The following AOPEP variants were observed in gnomAD, a reference collection of about 807,000 sequenced individuals.
AOPEP encodes the protein aminopeptidase O (putative), also known as aminopeptidase O.
In AOPEP, 77 loss-of-function variants were observed where a neutral mutation model predicts 98.1. That is an observed-to-expected ratio of 0.78 (90% CI 0.65 to 0.95). The LOEUF is 0.95. Ranked by LOEUF, AOPEP falls within the 40% of genes least tolerant of loss-of-function variation. The pLI, the probability that AOPEP is intolerant of heterozygous loss-of-function variation, is 0.00. For missense variants in AOPEP, 1,024 were observed against 1,024.7 expected (o/e 1.00, Z 0.01); for synonymous variants, 346 against 365.3 (o/e 0.95, Z 0.60).
intron 2 of AOPEP, among the ~76,000 whole-genome samples, chr9:94,766,474 T>C (rs1485847977): frequency 6.6e-6 from 1 of 152,180 alleles, no homozygotes; most frequent in Non-Finnish European, 1.5e-5. Context: ...GAGGCGGAGC[T>C]TGCAGTGAGC....
At chr9:95,006,410 C>T (rs1312420127) in intron 13 of AOPEP, among the ~76,000 whole-genome samples, 1 of 152,190 alleles carries the variant, frequency 6.6e-6, no homozygotes, top group Non-Finnish European at 1.5e-5. Context: ...ATGAATCACT[C>T]TTGATTCTGA....
chr9:94,925,756 G>T (rs962215014), intron 6 of AOPEP, among the ~76,000 whole-genome samples: 9 of 152,282 alleles, frequency 5.9e-5, no homozygotes, highest in Admixed American at 5.2e-4. Context: ...AGGCTCTGGG[G>T]TCTGAGTCAG....
chr9:94,865,793 G>T (rs1218910027), intron 5 of AOPEP, among the ~76,000 whole-genome samples: 1 of 152,174 alleles, frequency 6.6e-6, no homozygotes, highest in Non-Finnish European at 1.5e-5. Context: ...ACAGATGTTG[G>T]AACTCTTATG....
In AOPEP at chr9:94,794,809, CAG is replaced by C. The variant is rs1324331832; in HGVS notation, c.1118+1894_1118+1895del. On this transcript the variant is annotated intron_variant, in intron 4 of 16. Coordinates refer to ENST00000375315, the MANE Select transcript of AOPEP (RefSeq NM_001193329.3). ...GCAGTACAAAACAGAGCCTACAAAA[CAG>C]AGGAGGCTTTGTTTTGTAATTTCAG... Among the ~76,000 whole-genome samples, 13 of 134,926 alleles carry C rather than the reference CAG, an allele frequency of 9.6e-5. No individual in the cohort carries two copies. In the East Asian group the frequency reaches 2.5e-3, roughly 26 times the overall value. 88.5% of individuals were successfully genotyped at this position (134,926 alleles called of 152,430 possible).
At chr9:94,854,899 A>C (rs980853238) in intron 5 of AOPEP, among the ~76,000 whole-genome samples, 1 of 152,180 alleles carries the variant, frequency 6.6e-6, no homozygotes, top group Non-Finnish European at 1.5e-5. Flanking sequence ...TAGAAGAAAC[A>C]AAAAGTAAGA....
At chr9:95,126,247 T>G in the AOPEP span, among the ~76,000 whole-genome samples, 1 of 152,200 alleles carries the variant, frequency 6.6e-6, no homozygotes, top group Non-Finnish European at 1.5e-5. Context: ...ACATGAATAT[T>G]TCATGATATT....
intron 5 of AOPEP, among the ~76,000 whole-genome samples, chr9:94,815,043 G>T (rs1343564267): frequency 6.6e-6 from 1 of 152,172 alleles, no homozygotes; most frequent in Non-Finnish European, 1.5e-5. Flanking sequence ...GTGATCACTG[G>T]CTGAGCATAA....
intron 3 of AOPEP, among the ~76,000 whole-genome samples, chr9:94,786,572 T>G (rs748148779): frequency 5.3e-5 from 8 of 152,230 alleles, no homozygotes; most frequent in Non-Finnish European, 8.8e-5. Flanking sequence ...AGGTTAGGTG[T>G]TGTTCCCTGT....
the AOPEP span, chr9:95,135,597 G>GT: frequency 2.0e-6 from 2 of 1,018,342 alleles, no homozygotes; most frequent in South Asian, 2.8e-5. Context: ...AATCCAATTT[G>GT]TGAGACTTCT....
In AOPEP at chr9:94,915,028, C is replaced by T. The variant is rs78012117; in HGVS notation, c.1365-8958C>T. Among the ~76,000 whole-genome samples, 410 of 152,304 alleles carry T rather than the reference C, an allele frequency of 2.7e-3. 3 individuals are homozygous for T. Among genetic ancestry groups the T allele is most frequent in the African/African-American group, 9.5e-3 (397 of 41,572 alleles). ...TACCTCCCGGTGCTTCTGATACCCG[C>T]TGGTGTTGATCAAGCAAAACATGTG... On this transcript the variant is annotated intron_variant, in intron 5 of 16. Coordinates refer to ENST00000375315, the MANE Select transcript of AOPEP (RefSeq NM_001193329.3).
chr9:94,946,793 G>C (rs1345062402), intron 7 of AOPEP, among the ~76,000 whole-genome samples: 4 of 152,004 alleles, frequency 2.6e-5, no homozygotes, highest in African/African-American at 9.7e-5. Context: ...TCTCTTTGTT[G>C]ACAGTGGTCT....
At chr9:94,909,082 G>T (rs982706216) in intron 5 of AOPEP, among the ~76,000 whole-genome samples, 3 of 152,110 alleles carry the variant, frequency 2.0e-5, no homozygotes, top group Admixed American at 1.3e-4. Context: ...GTTTTGCCTG[G>T]TTTGAGGCTT....
At chr9:95,122,098 T>C in the AOPEP span, among the ~76,000 whole-genome samples, 1 of 152,086 alleles carries the variant, frequency 6.6e-6, no homozygotes, top group Non-Finnish European at 1.5e-5. Context: ...GACCTTGTGA[T>C]CTGCCTGCCT....
intron 3 of AOPEP, among the ~76,000 whole-genome samples, chr9:94,777,308 C>T (rs1364977166): frequency 5.9e-5 from 9 of 151,548 alleles, no homozygotes; most frequent in African/African-American, 1.2e-4. Context: ...GGTGGGTGCC[C>T]GTAGTCCCAG....
rs138579044 is a variant in AOPEP at position 95,028,922 on chromosome 9, T to A, written c.2115+23306T>A. On this transcript the variant is annotated intron_variant, in intron 13 of 16. Coordinates refer to ENST00000375315, the MANE Select transcript of AOPEP (RefSeq NM_001193329.3). ...TATCCAAGAATTCCGCGAGAGCCAT[T>A]GGCCCCAGATGTCCGCAGTGTTTTG... Among the ~76,000 whole-genome samples, 247 of 152,342 alleles carry A rather than the reference T, an allele frequency of 1.6e-3. 1 individual carries two copies. Among genetic ancestry groups the A allele is most frequent in the African/African-American group, 5.5e-3 (230 of 41,578 alleles).
chr9:94,903,557 G>A (rs1249730836), intron 5 of AOPEP, among the ~76,000 whole-genome samples: 1 of 151,806 alleles, frequency 6.6e-6, no homozygotes, highest in South Asian at 2.1e-4. Flanking sequence ...GGGAGGCTGA[G>A]GTGGGAAGAT....
In AOPEP at chr9:94,955,168, T is replaced by C; in HGVS notation, c.1662-9T>C. 1 of 1,535,948 alleles carries C rather than the reference T, an allele frequency of 6.5e-7. No individual in the cohort carries two copies. The highest frequency in any genetic ancestry group is 1.7e-4 in the Middle Eastern group (1 of 5,888). On this transcript the variant is annotated splice_polypyrimidine_tract_variant and intron_variant, in intron 7 of 16. Coordinates refer to ENST00000375315, the MANE Select transcript of AOPEP (RefSeq NM_001193329.3). Reference sequence around the variant, plus strand: ...TATACTTAAATAAATTGTTACTAAATCGTTTTAGACCCAGTAAAGACAAAA... The same window carrying C: ...TATACTTAAATAAATTGTTACTAAACCGTTTTAGACCCAGTAAAGACAAAA...
intron 5 of AOPEP, among the ~76,000 whole-genome samples, chr9:94,803,561 AAC>A (rs1485303257): frequency 6.6e-6 from 1 of 152,228 alleles, no homozygotes; most frequent in East Asian, 1.9e-4. Context: ...AGTGAGGAAA[AAC>A]ACATTTATAA....
chr9:95,150,013 A>AG, the AOPEP span: 1 of 1,614,120 alleles, frequency 6.2e-7, no homozygotes, highest in Non-Finnish European at 8.5e-7. Flanking sequence ...AGCCTCCACC[A>AG]GGGGGTCAAC....
Sources: gnomAD v4.1 joint callset for allele counts (sites outside exome capture counted in the v4.1 genomes callset) on GRCh38, gnomAD v4.1.1 for gene constraint, MANE v1.5 for transcripts, NCBI Gene and HGNC (gene_info 2026-07-23, HGNC 2026-07-21) for gene names.